Variants in SCN11A observed in about 807,000 individuals in gnomAD.
SCN11A encodes the protein sodium channel protein type 11 subunit alpha.
SCN11A carries 122 observed loss-of-function variants against 162.2 expected under a neutral mutation model. The observed-to-expected ratio is 0.75, with a 90% CI of 0.65 to 0.87. The LOEUF (loss-of-function observed/expected upper bound fraction) is 0.87. Among genes scored for constraint, SCN11A ranks in the 40% least tolerant of loss-of-function variants. The probability of loss-of-function intolerance (pLI) is 0.00; values close to 1 mark genes in which losing one functional copy is unlikely to be tolerated. For missense variants in SCN11A, 2,015 were observed against 2,181.6 expected (o/e 0.92, Z 1.52); for synonymous variants, 758 against 751.5 (o/e 1.01, Z -0.14).
intron 26 of SCN11A, among the ~76,000 whole-genome samples, chr3:38,869,755 A>T (rs941065607): frequency 2.6e-5 from 4 of 152,204 alleles, no homozygotes; most frequent in Non-Finnish European, 5.9e-5. Context: ...AACTTTTTGA[A>T]TGCTGACATA....
intron 2 of SCN11A, among the ~76,000 whole-genome samples, chr3:39,001,684 C>T (rs2030814951): frequency 6.6e-6 from 1 of 151,912 alleles, no homozygotes; most frequent in Non-Finnish European, 1.5e-5. Flanking sequence ...ATGTAGCTAT[C>T]TAGTTGTTAC....
chr3:39,043,175 G>T (rs187065139), intron 1 of SCN11A, among the ~76,000 whole-genome samples: 1 of 152,038 alleles, frequency 6.6e-6, no homozygotes, highest in East Asian at 1.9e-4. Context: ...AACAAATGTT[G>T]GCGAGGATGT....
intron 2 of SCN11A, among the ~76,000 whole-genome samples, chr3:39,006,425 G>A (rs2030975369): frequency 6.6e-6 from 1 of 152,142 alleles, no homozygotes; most frequent in Non-Finnish European, 1.5e-5. Context: ...CTATGATAAA[G>A]CCCACATCTG....
At chr3:38,984,020 T>A (rs2030148347) in intron 2 of SCN11A, among the ~76,000 whole-genome samples, 2 of 152,232 alleles carry the variant, frequency 1.3e-5, no homozygotes, top group South Asian at 4.1e-4. Context: ...CATTTCTAAA[T>A]CTTTTTAGTC....
At chr3:38,850,253 T>C (rs969058818) in intron 29 of SCN11A, 78 of 506,772 alleles carry the variant, frequency 1.5e-4, no homozygotes, top group African/African-American at 1.4e-3. Context: ...TGCATGATTA[T>C]TGAACTCTAT....
intron 2 of SCN11A, among the ~76,000 whole-genome samples, chr3:38,964,371 T>C (rs948223726): frequency 2.0e-5 from 3 of 152,170 alleles, no homozygotes; most frequent in Non-Finnish European, 4.4e-5. Flanking sequence ...TTGAGCCGCC[T>C]CTACTGCAGA....
chr3:38,872,427 A>T (rs2065144926), intron 23 of SCN11A, 133 bp from the exon 24 acceptor site: 1 of 594,360 alleles, frequency 1.7e-6, no homozygotes, highest in Non-Finnish European at 3.1e-6. Context: ...GTTTAGTGAA[A>T]GACATAGAAA....
intron 1 of SCN11A, among the ~76,000 whole-genome samples, chr3:39,045,268 G>C (rs770129859): frequency 3.9e-5 from 6 of 152,088 alleles, no homozygotes; most frequent in Non-Finnish European, 1.5e-5. Context: ...TTGAAGGGGA[G>C]GGAATTCTTC....
At chr3:39,011,408 C>T (rs964979864) in intron 2 of SCN11A, among the ~76,000 whole-genome samples, 6 of 152,152 alleles carry the variant, frequency 3.9e-5, no homozygotes, top group African/African-American at 1.4e-4. Context: ...GGCCTGCAGG[C>T]GTGTCCTTCT....
At chr3:38,931,397 C>T (rs369408653) in intron 7 of SCN11A, among the ~76,000 whole-genome samples, 16 of 152,300 alleles carry the variant, frequency 1.1e-4, no homozygotes, top group Admixed American at 2.6e-4. Flanking sequence ...AGTCTGACCA[C>T]TAACCGGTGT....
intron 14 of SCN11A, among the ~76,000 whole-genome samples, chr3:38,906,236 T>C (rs1359705881): frequency 5.3e-5 from 8 of 152,200 alleles, no homozygotes; most frequent in Admixed American, 5.2e-4. Context: ...TTGCCATCTT[T>C]ACCTGTATCT....
intron 24 of SCN11A, 102 bp downstream of exon 24, chr3:38,872,091 A>G: frequency 7.7e-6 from 6 of 776,110 alleles, no homozygotes; most frequent in Non-Finnish European, 6.8e-6. Context: ...GTAACCCAGG[A>G]AAAGCTTGGC....
rs769815780 is a variant in SCN11A at position 38,880,140 on chromosome 3, T to C, written c.3220-17A>G. The C allele has an allele frequency of 3.8e-6, 6 of 1,595,318 alleles. No homozygotes were observed. The highest frequency in any genetic ancestry group is 1.3e-5 in the African/African-American group (1 of 74,118). On this transcript the variant is annotated splice_polypyrimidine_tract_variant and intron_variant, in intron 22 of 29. Coordinates refer to ENST00000302328, the MANE Select transcript of SCN11A (RefSeq NM_001349253.2). ...TTCAAATATCTGAAATGAAAAAGCATAGCCATAGGCCAGGTTGAATATTTG... is the reference window on the plus strand; with the variant it reads ...TTCAAATATCTGAAATGAAAAAGCACAGCCATAGGCCAGGTTGAATATTTG...
chr3:38,950,007 A>T (rs975980150), intron 5 of SCN11A, 89 bp downstream of exon 5: 7 of 778,588 alleles, frequency 9.0e-6, no homozygotes, highest in Non-Finnish European at 1.4e-5. Context: ...AAACCCTAAG[A>T]GTGGTGTTTG....
At chr3:38,954,554 C>A (rs1043085328) in intron 3 of SCN11A, among the ~76,000 whole-genome samples, 4 of 151,832 alleles carry the variant, frequency 2.6e-5, no homozygotes, top group African/African-American at 9.7e-5. Flanking sequence ...GAGAAACTTG[C>A]TAAAAATAAA....
chr3:38,950,370 C>T lies in SCN11A; in HGVS notation c.-7-1G>A. The T allele has an allele frequency of 6.2e-7, 1 of 1,612,972 alleles. No individual in the cohort carries two copies. Among genetic ancestry groups the T allele is most frequent in the Non-Finnish European group, 8.5e-7 (1 of 1,179,948 alleles). On this transcript the variant is annotated splice_acceptor_variant, in intron 4 of 29. Coordinates refer to ENST00000302328, the MANE Select transcript of SCN11A (RefSeq NM_001349253.2). LOFTEE classifies it low-confidence loss of function (5UTR_SPLICE). ...GTAGCATCTGTCATCCATCTTCACC[C>T]TCAGGACAGAGACAAGCCACAGATC...
At chr3:38,867,538 A>G in intron 26 of SCN11A, 80 bp from the exon 27 acceptor site, 2 of 1,102,172 alleles carry the variant, frequency 1.8e-6, no homozygotes, top group Middle Eastern at 2.4e-4. Context: ...TATCTAGAAG[A>G]CCAAGGTGTT....
intron 16 of SCN11A, 71 bp from the exon 17 acceptor site, chr3:38,900,144 A>ATT: frequency 8.5e-7 from 1 of 1,174,594 alleles, no homozygotes; most frequent in Non-Finnish European, 1.2e-6. Context: ...GCCCAAGGGA[A>ATT]GTACAGAGGT....
chr3:38,953,078 A>C (rs564575539), intron 4 of SCN11A, among the ~76,000 whole-genome samples: 2 of 152,130 alleles, frequency 1.3e-5, no homozygotes, highest in Admixed American at 1.3e-4. Context: ...TTGTTTTTTT[A>C]AAGAAAAGCC....
Sources: gnomAD v4.1 joint callset for allele counts (sites outside exome capture counted in the v4.1 genomes callset) on GRCh38, gnomAD v4.1.1 for gene constraint, MANE v1.5 for transcripts, NCBI Gene and HGNC (gene_info 2026-07-23, HGNC 2026-07-21) for gene names.